TAP2: variants seen among roughly 807,000 people sequenced by gnomAD.
TAP2 encodes the protein transporter 2, ATP binding cassette subfamily B member.
In TAP2, 49 loss-of-function variants were observed where a neutral mutation model predicts 74.7. The ratio of observed to expected loss-of-function variants is 0.66; its 90% confidence interval spans 0.52 to 0.83. The LOEUF (loss-of-function observed/expected upper bound fraction) is 0.83. Ranked by LOEUF, TAP2 falls within the 40% of genes least tolerant of loss-of-function variation. The pLI is 0.00. For missense variants in TAP2, 739 were observed against 859.0 expected, an observed-to-expected ratio of 0.86 and a Z score of 1.75; for synonymous variants, 306 against 368.4, an observed-to-expected ratio of 0.83 and a Z score of 1.94.
Position 32,835,425 on chromosome 6 carries a change from C to T in TAP2, c.740-66G>A. ...GTACTGCAGGGCCCCCAGAAACTCC[C>T]TCCTGACCGTTCCCTCTGACACAGC... On this transcript the variant is annotated intron_variant, in intron 4 of 11. Transcript: ENST00000374897. This position sits in a 1 kb window ranked among gnomAD's most constrained non-coding sequence, Gnocchi z 4.0. 1 of 1,563,328 alleles carries T rather than the reference C, an allele frequency of 6.4e-7. No homozygotes were observed. The highest frequency in any genetic ancestry group is 8.8e-7 in the Non-Finnish European group (1 of 1,138,904).
At chr6:32,837,508 G>C in intron 3 of TAP2, 29 bp downstream of exon 3, 1 of 1,594,026 alleles carries the variant, frequency 6.3e-7, no homozygotes, top group South Asian at 1.1e-5. Context: ...TTTGGGGCTA[G>C]CAAATGGACC....
chr6:32,831,325 T>G (rs1769063714), intron 7 of TAP2, among the ~76,000 whole-genome samples: 1 of 152,176 alleles, frequency 6.6e-6, no homozygotes, highest in African/African-American at 2.4e-5. Flanking sequence ...TACCACCGGG[T>G]AATGAAATGG....
chr6:32,822,928 T>A (rs1345104949), downstream of TAP2, among the ~76,000 whole-genome samples: 1 of 145,992 alleles, frequency 6.8e-6, no homozygotes, highest in African/African-American at 2.6e-5. Flanking sequence ...TTTTTTTTTT[T>A]TTTTTTTTTG....
At chr6:32,822,362 T>C, downstream of TAP2, 2 of 1,247,864 alleles carry the variant, frequency 1.6e-6, no homozygotes, top group Non-Finnish European at 2.3e-6. Context: ...TTAATGGGTG[T>C]TTTTTAATCT....
Position 32,827,114 on chromosome 6 carries a change from A to T in TAP2, c.*1792T>A. 11 of 985,814 alleles carry T rather than the reference A, an allele frequency of 1.1e-5. No individual in the cohort carries two copies. Among genetic ancestry groups the T allele is most frequent in the Non-Finnish European group, 1.3e-5 (11 of 829,950 alleles). 61.1% of individuals were successfully genotyped at this position (985,814 alleles called of 1,614,324 possible). On this transcript the variant is annotated 3_prime_UTR_variant, in exon 12 of 12. Transcript: ENST00000374897. ...CTGCACCCTGCTCCCAACAGCTGCC[A>T]GGCAAGAAAAAATCCAAAACAGCAG...
chr6:32,829,261 C>A, intron 11 of TAP2, 139 bp downstream of exon 11: 1 of 1,460,278 alleles, frequency 6.8e-7, no homozygotes, highest in Non-Finnish European at 9.3e-7. Flanking sequence ...CACCGGATTC[C>A]ATTCCCCAAC....
chr6:32,823,882 T>C (rs1205321987), downstream of TAP2, among the ~76,000 whole-genome samples: 2 of 152,174 alleles, frequency 1.3e-5, no homozygotes, highest in Admixed American at 6.5e-5. Flanking sequence ...TTGTATATAA[T>C]ACACTTAGTT....
chr6:32,836,126 C>T (rs77163707), intron 3 of TAP2, among the ~76,000 whole-genome samples: 2 of 152,200 alleles, frequency 1.3e-5, no homozygotes, highest in East Asian at 1.9e-4. Flanking sequence ...TCTGTCCCAG[C>T]GTCCCTCAGG....
Position 32,830,672 on chromosome 6 carries a change from T to C in TAP2, c.1407A>G (p.Lys469=), listed in dbSNP as rs767761262. The change falls in exon 8 of 12, where the codon AAA becomes AAG. Residue 469 remains lysine (K), a synonymous_variant. Transcript: ENST00000374897. ...GATATGCAAAGGAGACGTCTTGGAA[T>C]TTCACAACCCCCTGCAGAGTGGTGG... ...LAPTTLQGVV[K]FQDVSFAYPN... is the part of the protein sequence containing the mutation. 7 of 1,613,060 alleles carry C rather than the reference T, an allele frequency of 4.3e-6. No individual in the cohort carries two copies. The Admixed American group carries it at 1.2e-4, about 27-fold the overall frequency.
At chr6:32,833,040 T>C (rs945140427) in intron 5 of TAP2, among the ~76,000 whole-genome samples, 12 of 152,206 alleles carry the variant, frequency 7.9e-5, no homozygotes, top group East Asian at 3.8e-4. Flanking sequence ...AGGAGATACA[T>C]GCAATTTTTT....
chr6:32,830,640 C>T lies in TAP2; in HGVS notation c.1439G>A (p.Arg480His), dbSNP rs770778501. Residue 480 changes from arginine (R) to histidine (H), a missense_variant, in exon 8 of 12, where the codon CGC becomes CAC. Physicochemically the swap from Arg to His is conservative, Grantham distance 29. Transcript: ENST00000374897. ...CACCTTGAGCACAGGCCTGTCAGGGCGATTGGGATATGCAAAGGAGACGTC... is the reference window on the plus strand; with the variant it reads ...CACCTTGAGCACAGGCCTGTCAGGGTGATTGGGATATGCAAAGGAGACGTC... ...FQDVSFAYPN[R>H]PDRPVLKGLT... 4 of 1,613,090 alleles carry T rather than the reference C, an allele frequency of 2.5e-6. No individual in the cohort carries two copies. Among genetic ancestry groups the T allele is most frequent in the African/African-American group, 1.3e-5 (1 of 75,036 alleles).
At position 32,830,331 on chromosome 6, in the gene TAP2, CCT is replaced by C. The variant is rs1768980740; in HGVS notation, c.1569_1570del (p.Gly525ThrfsTer6). ...CTTTTCATCCAGCAGCACCTGTCCC[CCT>C]GTGGGCTGGTACAGATTCTGCAGCA... On this transcript the variant is annotated frameshift_variant, in exon 9 of 12. Coordinates refer to ENST00000374897, the MANE Select transcript of TAP2 (RefSeq NM_001290043.2). LOFTEE classifies it high-confidence loss of function. 6.2e-6 allele frequency: 10 copies of C among 1,613,122 alleles called. No individual in the cohort carries two copies. Among genetic ancestry groups the C allele is most frequent in the Non-Finnish European group, 8.5e-6 (10 of 1,180,038 alleles).
chr6:32,829,945 G>T lies in TAP2; in HGVS notation c.1780C>A (p.His594Asn), dbSNP rs1768938874. The change falls in exon 10 of 12, where the codon CAT becomes AAT. Residue 594 changes from histidine to asparagine, a missense_variant. Physicochemically the swap from His to Asn is moderately conservative, Grantham distance 68. Transcript: ENST00000374897. ...HADDFIQEME[H>N]GIYTDVGEKG... The stretch of plus-strand genomic sequence containing the variant: ...TAGAAGATACCTGTGTATATTCCAT[G>T]CTCCATTTCCTGGATGAAGTCATCT... 3 of 1,612,962 alleles carry T rather than the reference G, an allele frequency of 1.9e-6. No homozygotes were observed. Among genetic ancestry groups the T allele is most frequent in the African/African-American group, 1.3e-5 (1 of 74,904 alleles).
rs1768957914 is a variant in TAP2 at position 32,830,090 on chromosome 6, C to T, written c.1636-1G>A. 2.5e-6 allele frequency: 4 copies of T among 1,612,930 alleles called. No individual in the cohort carries two copies. The highest frequency in any genetic ancestry group is 1.7e-4 in the Middle Eastern group (1 of 6,024). On this transcript the variant is annotated splice_acceptor_variant, in intron 9 of 11. Coordinates refer to ENST00000374897, the MANE Select transcript of TAP2 (RefSeq NM_001290043.2). LOFTEE classifies it high-confidence loss of function. Reference sequence around the variant, plus strand: ...CAGGCTCCTGCCCAACTGAAACCACCTGTGCAGCAGGGACAGGGGCAGAGG... The same window carrying T: ...CAGGCTCCTGCCCAACTGAAACCACTTGTGCAGCAGGGACAGGGGCAGAGG...
chr6:32,822,419 T>C (rs1768341930), downstream of TAP2: 1 of 763,012 alleles, frequency 1.3e-6, no homozygotes, highest in Non-Finnish European at 2.1e-6. Flanking sequence ...TTTGTGTCAG[T>C]ATAATAAGTA....
chr6:32,824,060 G>T (rs1182245568), downstream of TAP2, among the ~76,000 whole-genome samples: 1 of 152,022 alleles, frequency 6.6e-6, no homozygotes, highest in Admixed American at 6.5e-5. Flanking sequence ...TTGATTCCTA[G>T]ATGTTACAGA....
At chr6:32,829,805 G>T in intron 10 of TAP2, 125 bp downstream of exon 10, 1 of 1,323,536 alleles carries the variant, frequency 7.6e-7, no homozygotes, top group Non-Finnish European at 1.1e-6. Flanking sequence ...AGGAGACGTA[G>T]GAATGGAGGA....
chr6:32,830,769 A>C lies in TAP2; in HGVS notation c.1310T>G (p.Val437Gly), dbSNP rs761943822. Residue 437 changes from valine (V) to glycine (G), a missense_variant, in exon 8 of 12, where the codon GTG (valine) becomes GGG (glycine). Physicochemically the swap from Val to Gly is moderately radical, Grantham distance 109 (BLOSUM62 -3). Coordinates refer to ENST00000374897, the MANE Select transcript of TAP2 (RefSeq NM_001290043.2). The stretch of plus-strand genomic sequence containing the variant: ...GGAGAAAACCTTCTCTGCAGCTCCC[A>C]CGTTGCTGAGCATATCCCCATATAT... ...VYIYGDMLSN[V>G]GAAEKVFSYM... The C allele has an allele frequency of 1.9e-6, 3 of 1,612,532 alleles. No individual in the cohort carries two copies. In the African/African-American group the frequency reaches 4.0e-5, roughly 22 times the overall value.
rs1768951798 is a variant in TAP2 at position 32,830,036 on chromosome 6, G to A, written c.1689C>T (p.Asn563=). The A allele has an allele frequency of 1.2e-6, 2 of 1,613,112 alleles. No individual in the cohort carries two copies. Among genetic ancestry groups the A allele is most frequent in the Non-Finnish European group, 1.7e-6 (2 of 1,180,022 alleles). The change falls in exon 10 of 12, where the codon AAC becomes AAT. Residue 563 remains asparagine, a synonymous_variant. Transcript: ENST00000374897. ...CGCAGCTCTGCAGCCCATAAGCAAT[G>A]TTGTTCCTCACAGAACCGGAGAACA... ...PVLFSGSVRN[N]IAYGLQSCED...
Sources: gnomAD v4.1 joint callset for allele counts (sites outside exome capture counted in the v4.1 genomes callset) on GRCh38, gnomAD v4.1.1 for gene constraint, Gnocchi (gnomAD v3.1) non-coding constraint, MANE v1.5 for transcripts, NCBI Gene and HGNC (gene_info 2026-07-23, HGNC 2026-07-21) for gene names.